SNX10: variants seen among roughly 807,000 people sequenced by gnomAD.
SNX10 encodes the protein sorting nexin 10, also known as sorting nexin-10.
In SNX10, 25 loss-of-function variants were observed where a neutral mutation model predicts 28.5. The ratio of observed to expected loss-of-function variants is 0.88; its 90% CI spans 0.64 to 1.22. SNX10 has a LOEUF of 1.22. SNX10 is among the 50% of genes most tolerant of loss of function. SNX10 has a pLI of 0.00. For synonymous variants in SNX10, 62 were observed against 81.4 expected (o/e 0.76, Z 1.28); for missense variants, 223 against 242.6 (o/e 0.92, Z 0.54).
intron 2 of SNX10, among the ~76,000 whole-genome samples, chr7:26,358,724 G>C (rs1788929220): frequency 1.3e-5 from 2 of 151,258 alleles, no homozygotes; most frequent in African/African-American, 4.9e-5. Flanking sequence ...CAGTCTGGGT[G>C]ACAGAGTGAG....
Position 26,339,052 on chromosome 7 carries a change from T to C in SNX10, c.-23-7368T>C, listed in dbSNP as rs144357166. 6.4e-3 allele frequency among the ~76,000 whole-genome samples: 974 copies of C among 152,328 alleles called. 10 individuals carry two copies. The highest frequency in any genetic ancestry group is 0.022 in the African/African-American group (912 of 41,560). ...CTAATCTTGTAGCTAATTTGTTAGTTCTGCAAAGGCAGACTGGACCCCAGG... is the reference window on the plus strand; with the variant it reads ...CTAATCTTGTAGCTAATTTGTTAGTCCTGCAAAGGCAGACTGGACCCCAGG... On this transcript the variant is annotated intron_variant, in intron 1 of 6. Transcript: ENST00000338523.
Position 26,291,968 on chromosome 7 carries a change from G to GGC in SNX10, c.-142_-141insGC, listed in dbSNP as rs2127990962. On this transcript the variant is annotated 5_prime_UTR_variant, in exon 1 of 7. Transcript: ENST00000338523. ...GCGGGGAGCGCGGGGCTGCGCTCGT[G>GGC]TGCGCTCCTGGGCGCTCGCCGCCGC... 2 of 150,190 alleles carry GGC rather than the reference G, an allele frequency of 1.3e-5. No individual in the cohort carries two copies. Among genetic ancestry groups the GGC allele is most frequent in the East Asian group, 4.0e-4 (2 of 5,056 alleles). 9.3% of individuals were successfully genotyped at this position (150,190 alleles called of 1,614,324 possible). A position where few individuals can be genotyped will look rare whatever the true frequency, so the allele number is the denominator to read the frequency against.
chr7:26,346,555 T>G, intron 2 of SNX10, 89 bp downstream of exon 2: 1 of 1,002,966 alleles, frequency 1.0e-6, no homozygotes, highest in Non-Finnish European at 1.6e-6. Flanking sequence ...AACCCATGGG[T>G]TGCTTGAGGA....
chr7:26,358,824 TGACCAAGTCTTGCTG>T (rs1788948446), intron 2 of SNX10, among the ~76,000 whole-genome samples: 3 of 148,848 alleles, frequency 2.0e-5, no homozygotes, highest in East Asian at 1.9e-4. Context: ...TTTTTTTTTT[TGACCAAGTCTTGCTG>T]TTGTTGGCCC....
intron 1 of SNX10, among the ~76,000 whole-genome samples, chr7:26,329,696 C>T (rs1047351258): frequency 6.6e-5 from 10 of 152,122 alleles, no homozygotes; most frequent in African/African-American, 2.4e-4. Flanking sequence ...GCTTGAGGAA[C>T]AAGGCATCAG....
intron 2 of SNX10, among the ~76,000 whole-genome samples, chr7:26,358,805 G>GGTTTTTTTTTT (rs1554360945): frequency 8.0e-5 from 8 of 100,110 alleles, no homozygotes; most frequent in African/African-American, 2.2e-4. Flanking sequence ...GTTATCTTGT[G>GGTTTTTTTTTT]TTTTTTTTTT....
intron 1 of SNX10, among the ~76,000 whole-genome samples, chr7:26,320,616 A>G (rs1414624950): frequency 6.6e-6 from 1 of 151,778 alleles, no homozygotes; most frequent in African/African-American, 2.4e-5. Flanking sequence ...TATTTTTACT[A>G]GAGACGGGGG....
At chr7:26,315,598 G>T (rs370006689) in intron 1 of SNX10, among the ~76,000 whole-genome samples, 1 of 151,944 alleles carries the variant, frequency 6.6e-6, no homozygotes, top group East Asian at 1.9e-4. Context: ...AACCCAGGAG[G>T]CGGAGGTTGC....
chr7:26,348,644 C>T (rs1418550277), intron 2 of SNX10, among the ~76,000 whole-genome samples: 1 of 152,158 alleles, frequency 6.6e-6, no homozygotes, highest in Non-Finnish European at 1.5e-5. Context: ...GATCGCCTGG[C>T]GTCAAATCCA....
chr7:26,369,437 A>G (rs908295708), intron 5 of SNX10, among the ~76,000 whole-genome samples: 1 of 152,214 alleles, frequency 6.6e-6, no homozygotes, highest in African/African-American at 2.4e-5. Flanking sequence ...ACTCTCAAAA[A>G]TTTTCATTTT....
intron 2 of SNX10, chr7:26,356,898 A>G (rs1311608288): frequency 4.7e-6 from 1 of 211,794 alleles, no homozygotes; most frequent in Admixed American, 4.6e-5. Context: ...ACCAGCTGCT[A>G]AATAACTTAT....
chr7:26,317,618 C>T (rs1221496636), intron 1 of SNX10, among the ~76,000 whole-genome samples: 1 of 151,412 alleles, frequency 6.6e-6, no homozygotes, highest in Non-Finnish European at 1.5e-5. Flanking sequence ...AAAATGGAAG[C>T]CTGAATGAAT....
rs1789209097 is a variant in SNX10, at chr7:26,364,448, AATGTTGAGATC to A, written c.112-84_112-74del. 34 of 1,473,350 alleles carry A rather than the reference AATGTTGAGATC, an allele frequency of 2.3e-5. No homozygotes were observed. The highest frequency in any genetic ancestry group is 3.1e-5 in the Non-Finnish European group (34 of 1,108,740). 91.3% of individuals were successfully genotyped at this position (1,473,350 alleles called of 1,614,324 possible). On this transcript the variant is annotated intron_variant, in intron 3 of 6. Coordinates refer to ENST00000338523, the MANE Select transcript of SNX10 (RefSeq NM_013322.3). This position sits in a 1 kb window ranked among gnomAD's most constrained non-coding sequence, Gnocchi z 4.9. The stretch of plus-strand genomic sequence containing the variant: ...GGTGGTTTAAATCCTATTTAGAGTG[AATGTTGAGATC>A]ATATTGTGAATTATAGATACAAGAA...
At chr7:26,343,098 C>T (rs906038884) in intron 1 of SNX10, among the ~76,000 whole-genome samples, 2 of 152,194 alleles carry the variant, frequency 1.3e-5, no homozygotes, top group Non-Finnish European at 2.9e-5. Context: ...GCCCCCGGGG[C>T]CAGTTTCCTA....
At chr7:26,302,591 C>T (rs1440778680) in intron 1 of SNX10, among the ~76,000 whole-genome samples, 2 of 152,186 alleles carry the variant, frequency 1.3e-5, no homozygotes, top group African/African-American at 4.8e-5. Context: ...CCTTACTCGT[C>T]TTGTGTGTTG....
intron 1 of SNX10, among the ~76,000 whole-genome samples, chr7:26,305,155 T>A (rs1184156060): frequency 6.6e-6 from 1 of 152,172 alleles, no homozygotes; most frequent in Non-Finnish European, 1.5e-5. Context: ...GCTCCTGATC[T>A]TGCATAGTCT....
intron 1 of SNX10, among the ~76,000 whole-genome samples, chr7:26,333,046 G>T (rs1787800482): frequency 6.6e-6 from 1 of 152,084 alleles, no homozygotes; most frequent in Non-Finnish European, 1.5e-5. Context: ...GATTGTTTTG[G>T]CTATTTGGAG....
chr7:26,361,489 G>A (rs1789066331), intron 3 of SNX10, among the ~76,000 whole-genome samples: 1 of 152,168 alleles, frequency 6.6e-6, no homozygotes, highest in African/African-American at 2.4e-5. Context: ...CAGAAGGTGG[G>A]AAATGGATAT....
chr7:26,357,384 CTTAG>C (rs1231532442), intron 2 of SNX10, among the ~76,000 whole-genome samples: 1 of 146,194 alleles, frequency 6.8e-6, no homozygotes, highest in Non-Finnish European at 1.5e-5. Context: ...CAGAGAACAG[CTTAG>C]TTAAAGGCAT....
Sources: gnomAD v4.1 joint callset for allele counts (sites outside exome capture counted in the v4.1 genomes callset) on GRCh38, gnomAD v4.1.1 for gene constraint, Gnocchi (gnomAD v3.1) non-coding constraint, MANE v1.5 for transcripts, NCBI Gene and HGNC (gene_info 2026-07-23, HGNC 2026-07-21) for gene names.